The following CSNK1A1 variants were observed in gnomAD, a reference collection of about 807,000 sequenced individuals.
CSNK1A1 encodes casein kinase 1 alpha 1.
A neutral mutation model predicts 46.1 loss-of-function variants in CSNK1A1; 7 were observed. The ratio of observed to expected loss-of-function variants is 0.15; its 90% CI spans 0.09 to 0.29. The LOEUF (loss-of-function observed/expected upper bound fraction) is 0.29. Among genes scored for constraint, CSNK1A1 ranks in the 10% least tolerant of loss-of-function variants. The pLI, the probability that CSNK1A1 is intolerant of heterozygous loss-of-function variation, is 1.00. For synonymous variants in CSNK1A1, 137 were observed against 141.5 expected (o/e 0.97, Z 0.23); for missense variants, 96 against 417.1 (o/e 0.23, Z 6.71).
At position 149,551,041 on chromosome 5, in the gene CSNK1A1, A is replaced by G. The variant is rs1173756655; in HGVS notation, c.-77T>C. 1 of 1,541,922 alleles carries G rather than the reference A, an allele frequency of 6.5e-7. No individual in the cohort carries two copies. The highest frequency in any genetic ancestry group is 2.3e-5 in the East Asian group (1 of 44,418). On this transcript the variant is annotated 5_prime_UTR_variant, in exon 1 of 10. Transcript: ENST00000377843. ...AGGACGGAGGCCTCGGGGCTCCTAC[A>G]CTAGGCAAGGCTACGGAGGAGGGCG...
intron 9 of CSNK1A1, chr5:149,499,301 A>T: frequency 1.3e-6 from 1 of 745,894 alleles, no homozygotes; most frequent in Non-Finnish European, 1.6e-6. Context: ...TTCCTTAAAA[A>T]AAAAGGGGAG....
intron 9 of CSNK1A1, chr5:149,502,974 G>T: frequency 5.3e-6 from 4 of 759,498 alleles, no homozygotes; most frequent in Non-Finnish European, 6.4e-6. Flanking sequence ...CCACCATGTT[G>T]GCCAGACTCT....
chr5:149,539,419 T>C (rs992931455), intron 2 of CSNK1A1, among the ~76,000 whole-genome samples: 7 of 151,064 alleles, frequency 4.6e-5, no homozygotes, highest in South Asian at 2.1e-4. Context: ...TAAGCTATGA[T>C]TGAGCCACTA....
chr5:149,505,636 A>ATATTATCCTTATATTAT, intron 8 of CSNK1A1, 41 bp from the exon 9 acceptor site: 1 of 1,548,816 alleles, frequency 6.5e-7, no homozygotes, highest in Non-Finnish European at 8.9e-7. Flanking sequence ...CTTTAATAAC[A>ATATTATCCTTATATTAT]GAGTCCAGTT....
At chr5:149,501,625 A>G in intron 9 of CSNK1A1, 1 of 985,192 alleles carries the variant, frequency 1.0e-6, no homozygotes. Context: ...CTTAGTAACT[A>G]TGGTTAGGGT....
At chr5:149,545,308 C>T (rs968897685) in intron 2 of CSNK1A1, 1 of 327,738 alleles carries the variant, frequency 3.1e-6, no homozygotes, top group South Asian at 6.7e-5. Flanking sequence ...CACAGGAGGA[C>T]CCCAGCCCCA....
chr5:149,533,308 G>T (rs1238996395), intron 2 of CSNK1A1, among the ~76,000 whole-genome samples: 1 of 150,712 alleles, frequency 6.6e-6, no homozygotes, highest in Non-Finnish European at 1.5e-5. Context: ...CATGATGAAG[G>T]AGAGAAGAGT....
intron 2 of CSNK1A1, among the ~76,000 whole-genome samples, chr5:149,549,135 G>A (rs1342413786): frequency 6.6e-6 from 1 of 152,116 alleles, no homozygotes; most frequent in Non-Finnish European, 1.5e-5. Context: ...CAATTTCTCT[G>A]ATGTGAAGAT....
At chr5:149,505,667 A>G in intron 8 of CSNK1A1, 72 bp from the exon 9 acceptor site, 7 of 1,283,112 alleles carry the variant, frequency 5.5e-6, no homozygotes, top group Non-Finnish European at 7.8e-6. Flanking sequence ...CTAACTTTTT[A>G]AGACAGTGAC....
At chr5:149,519,952 G>T (rs1761517203) in intron 4 of CSNK1A1, among the ~76,000 whole-genome samples, 1 of 152,146 alleles carries the variant, frequency 6.6e-6, no homozygotes, top group Admixed American at 6.5e-5. Flanking sequence ...CATTCAGGAA[G>T]AAAAGAATAT....
intron 2 of CSNK1A1, among the ~76,000 whole-genome samples, chr5:149,543,667 G>C (rs951111888): frequency 6.6e-6 from 1 of 152,136 alleles, no homozygotes; most frequent in African/African-American, 2.4e-5. Context: ...ATTAACTAGT[G>C]CTTTATAAAT....
intron 2 of CSNK1A1, chr5:149,549,369 T>C (rs1762586369): frequency 1.5e-6 from 1 of 668,236 alleles, no homozygotes; most frequent in African/African-American, 1.8e-5. Flanking sequence ...CGAAGGATTT[T>C]ACATAGTGTA....
chr5:149,544,927 G>A (rs1194116692), intron 2 of CSNK1A1, among the ~76,000 whole-genome samples: 1 of 150,990 alleles, frequency 6.6e-6, no homozygotes, highest in South Asian at 2.1e-4. Context: ...TCTGAGGTCA[G>A]GAGTTTGAGA....
chr5:149,551,435 C>G lies in CSNK1A1; in HGVS notation c.-471G>C, dbSNP rs1762656308. The G allele has an allele frequency of 6.4e-6, 1 of 156,410 alleles. No homozygotes were observed. The highest frequency in any genetic ancestry group is 6.4e-5 in the Admixed American group (1 of 15,656). The allele number at this position is 156,410 out of a possible 1,614,324, so 9.7% of individuals were successfully genotyped here. A position where few individuals can be genotyped will look rare whatever the true frequency, so the allele number is the denominator to read the frequency against. On this transcript the variant is annotated 5_prime_UTR_variant, in exon 1 of 10. Coordinates refer to ENST00000377843, the MANE Select transcript of CSNK1A1 (RefSeq NM_001892.6). ...CCGCTTCTTCACGGCGCAGAGCACT[C>G]TGGGAAAGGGATCTCGGGCGCTCGC...
rs1182745978 is a variant in CSNK1A1, at chr5:149,525,703, G to A, written c.231-532C>T. On this transcript the variant is annotated intron_variant, in intron 2 of 9. Coordinates refer to ENST00000377843, the MANE Select transcript of CSNK1A1 (RefSeq NM_001892.6). This position sits in a 1 kb window ranked among gnomAD's most constrained non-coding sequence, Gnocchi z 4.2. ...ACAGAAAATAACCCATATAACACAA[G>A]GTAATGACATTTATTTGCTTTTAAC... 6.6e-6 allele frequency among the ~76,000 whole-genome samples: 1 copy of A among 152,002 alleles called. No homozygotes were observed. Among genetic ancestry groups the A allele is most frequent in the Admixed American group, 6.6e-5 (1 of 15,248 alleles).
chr5:149,541,409 T>C (rs1024886241), intron 2 of CSNK1A1, among the ~76,000 whole-genome samples: 1 of 151,950 alleles, frequency 6.6e-6, no homozygotes, highest in Non-Finnish European at 1.5e-5. Flanking sequence ...CGCCTTGGCC[T>C]CCCAAAGTGC....
rs566984354 is a variant in CSNK1A1, at chr5:149,506,179, G to A, written c.858-584C>T. Among the ~76,000 whole-genome samples, 7 of 152,128 alleles carry A rather than the reference G, an allele frequency of 4.6e-5. No homozygotes were observed. The South Asian group carries it at 6.2e-4, about 14-fold the overall frequency. Reference sequence around the variant, plus strand: ...TGGCCTCAGGTGATCCACCCCCATCGGCCTCCCAAAGTGCTAGGATTATAG... The same window carrying A: ...TGGCCTCAGGTGATCCACCCCCATCAGCCTCCCAAAGTGCTAGGATTATAG... On this transcript the variant is annotated intron_variant, in intron 8 of 9. Coordinates refer to ENST00000377843, the MANE Select transcript of CSNK1A1 (RefSeq NM_001892.6).
At chr5:149,498,376 T>C in intron 9 of CSNK1A1, 4 of 985,388 alleles carry the variant, frequency 4.1e-6, no homozygotes, top group Non-Finnish European at 4.8e-6. Flanking sequence ...GGGAATATCA[T>C]TTGATGCATG....
At chr5:149,542,315 T>C (rs1348519764) in intron 2 of CSNK1A1, among the ~76,000 whole-genome samples, 1 of 151,938 alleles carries the variant, frequency 6.6e-6, no homozygotes, top group Non-Finnish European at 1.5e-5. Flanking sequence ...AGGGCTCCCA[T>C]TGATTCTACA....
Sources: gnomAD v4.1 joint callset for allele counts (sites outside exome capture counted in the v4.1 genomes callset) on GRCh38, gnomAD v4.1.1 for gene constraint, Gnocchi (gnomAD v3.1) non-coding constraint, MANE v1.5 for transcripts, NCBI Gene and HGNC (gene_info 2026-07-23, HGNC 2026-07-21) for gene names.